The following MGAM2 variants were observed in gnomAD, a reference collection of about 807,000 sequenced individuals.
The protein encoded by MGAM2 is maltase-glucoamylase 2 (putative).
Under a neutral mutation model 96.1 loss-of-function variants are expected in MGAM2, and 98 were observed. The ratio of observed to expected loss-of-function variants is 1.02; its 90% CI spans 0.87 to 1.21. The LOEUF is 1.21. MGAM2 is among the 50% of genes most tolerant of loss of function. MGAM2 has a pLI of 0.00. For missense variants in MGAM2, 2,055 were observed against 1,182.4 expected (o/e 1.74, Z -10.82); for synonymous variants, 749 against 414.8 (o/e 1.81, Z -9.79).
chr7:142,198,966 G>A (rs1368091630), intron 44 of MGAM2, among the ~76,000 whole-genome samples: 1 of 152,168 alleles, frequency 6.6e-6, no homozygotes, highest in Non-Finnish European at 1.5e-5. Context: ...TGTCTGTAGT[G>A]CTGTATCAAA....
At position 142,199,867 on chromosome 7, in the gene MGAM2, T is replaced by TA. The variant is rs1797167707; in HGVS notation, c.5049-13_5049-12insA. 1 of 675,684 alleles carries TA rather than the reference T, an allele frequency of 1.5e-6. No homozygotes were observed. Among genetic ancestry groups the TA allele is most frequent in the East Asian group, 2.7e-5 (1 of 37,100 alleles). The allele number at this position is 675,684 out of a possible 1,614,324, so 41.9% of individuals were successfully genotyped here. A position where few individuals can be genotyped will look rare whatever the true frequency, so the allele number is the denominator to read the frequency against. On this transcript the variant is annotated splice_polypyrimidine_tract_variant and intron_variant, in intron 44 of 47. Coordinates refer to ENST00000477922, the MANE Select transcript of MGAM2 (RefSeq NM_001293626.2). ...ATCTAGAGAAAAATAACTCTTTTTTTTTTTTTTGGTAGTCGACAAAATTTT... is the reference window on the plus strand; with the variant it reads ...ATCTAGAGAAAAATAACTCTTTTTTTATTTTTTTGGTAGTCGACAAAATTTT...
intron 38 of MGAM2, 90 bp downstream of exon 38, chr7:142,196,377 A>G (rs1797036222): frequency 7.7e-6 from 5 of 650,174 alleles, no homozygotes; most frequent in Non-Finnish European, 1.4e-5. Flanking sequence ...CTCTATCATC[A>G]TCTAGGTGGG....
chr7:142,202,012 A>T (rs943089942), intron 45 of MGAM2, among the ~76,000 whole-genome samples: 5 of 152,224 alleles, frequency 3.3e-5, no homozygotes, highest in Non-Finnish European at 7.3e-5. Flanking sequence ...TTTCTTTTAC[A>T]TGCAACAGCA....
intron 14 of MGAM2, among the ~76,000 whole-genome samples, chr7:142,146,594 A>G (rs1039365178): frequency 9.2e-5 from 14 of 152,180 alleles, no homozygotes; most frequent in African/African-American, 3.4e-4. Context: ...AGAGTTCACA[A>G]GGAGAGGAAG....
chr7:142,166,484 T>C (rs190801074), intron 25 of MGAM2, among the ~76,000 whole-genome samples: 4 of 152,182 alleles, frequency 2.6e-5, no homozygotes, highest in African/African-American at 9.7e-5. Context: ...ATTTTAAACA[T>C]AATAATGTAC....
rs1233351588 is a variant in MGAM2, at chr7:142,187,823, C to A, written c.4196C>A (p.Pro1399His). 4.3e-6 allele frequency: 3 copies of A among 702,370 alleles called. No homozygotes were observed. In the East Asian group the frequency reaches 8.0e-5, roughly 19 times the overall value. 43.5% of individuals were successfully genotyped at this position (702,370 alleles called of 1,614,324 possible). A position where few individuals can be genotyped will look rare whatever the true frequency, so the allele number is the denominator to read the frequency against. The change falls in exon 36 of 48, where the codon CCC becomes CAC. Residue 1399 changes from proline (P) to histidine (H), a missense_variant. Pro to His is a moderately conservative substitution (Grantham distance 77). Coordinates refer to ENST00000477922, the MANE Select transcript of MGAM2 (RefSeq NM_001293626.2). The part of the protein sequence containing the change: ...GCSNEMLNNP[P>H]YMPYLESRDK... ...AGCAATGAAATGCTAAATAACCCACCCTATATGCCATGTATGTAAAATAAT... is the reference window on the plus strand; with the variant it reads ...AGCAATGAAATGCTAAATAACCCACACTATATGCCATGTATGTAAAATAAT...
chr7:142,214,035 A>T (rs1017603374), intron 46 of MGAM2, among the ~76,000 whole-genome samples: 2 of 152,238 alleles, frequency 1.3e-5, no homozygotes, highest in South Asian at 4.1e-4. Context: ...TCCATCACAT[A>T]AACAGAACCA....
At chr7:142,119,619 T>C (rs1318236892) in intron 2 of MGAM2, among the ~76,000 whole-genome samples, 1 of 152,180 alleles carries the variant, frequency 6.6e-6, no homozygotes, top group Non-Finnish European at 1.5e-5. Flanking sequence ...AGCAGGATTA[T>C]GTATAATGGT....
intron 37 of MGAM2, among the ~76,000 whole-genome samples, chr7:142,194,031 T>C (rs1796950553): frequency 7.2e-6 from 1 of 137,992 alleles, no homozygotes; most frequent in Admixed American, 7.1e-5. Flanking sequence ...CTTTTCTTTC[T>C]TCTTCTTTTT....
At chr7:142,186,260 A>G in intron 35 of MGAM2, 137 bp downstream of exon 35, 1 of 611,340 alleles carries the variant, frequency 1.6e-6, no homozygotes, top group East Asian at 2.7e-5. Context: ...TACAGAATCT[A>G]GGTGCTAGGA....
intron 23 of MGAM2, among the ~76,000 whole-genome samples, chr7:142,162,752 C>T (rs1795925609): frequency 6.6e-6 from 1 of 151,230 alleles, no homozygotes. Context: ...TTAAAGATCC[C>T]CATGCAATTG....
intron 6 of MGAM2, among the ~76,000 whole-genome samples, chr7:142,132,307 A>G (rs1794912663): frequency 6.8e-6 from 1 of 147,028 alleles, no homozygotes; most frequent in South Asian, 2.1e-4. Context: ...AAGTTATATA[A>G]TTTTATATAA....
At chr7:142,137,237 C>G (rs1795085447) in intron 8 of MGAM2, among the ~76,000 whole-genome samples, 196 bp from the exon 9 acceptor site, 2 of 150,422 alleles carry the variant, frequency 1.3e-5, no homozygotes, top group South Asian at 4.2e-4. Context: ...AAACAAAACT[C>G]AATTCTTCAT....
At chr7:142,216,298 GT>G (rs768752481) in intron 46 of MGAM2, among the ~76,000 whole-genome samples, 4 of 151,974 alleles carry the variant, frequency 2.6e-5, no homozygotes, top group African/African-American at 4.8e-5. Context: ...CTGAATTTTA[GT>G]TCTATTTCTA....
intron 10 of MGAM2, 115 bp downstream of exon 10, chr7:142,138,782 A>C: frequency 3.3e-6 from 2 of 601,036 alleles, no homozygotes; most frequent in South Asian, 1.9e-5. Context: ...ATAGACAGGC[A>C]CACTTGCTGG....
chr7:142,197,333 CT>C (rs1426219229), intron 40 of MGAM2, 66 bp from the exon 41 acceptor site: 1 of 675,808 alleles, frequency 1.5e-6, no homozygotes, highest in Non-Finnish European at 2.7e-6. Flanking sequence ...CCCATTGATT[CT>C]TTTCTGATGC....
At chr7:142,187,534 C>T (rs1003220039) in intron 35 of MGAM2, among the ~76,000 whole-genome samples, 11 of 152,200 alleles carry the variant, frequency 7.2e-5, no homozygotes, top group South Asian at 2.1e-4. Context: ...CCACTTTGGC[C>T]GATATAAATT....
At chr7:142,117,043 A>G (rs1284539829) in intron 2 of MGAM2, 64 bp downstream of exon 2, 9 of 700,228 alleles carry the variant, frequency 1.3e-5, no homozygotes, top group Non-Finnish European at 1.8e-5. Flanking sequence ...CGCCAAAGAG[A>G]TTATTTTATT....
At chr7:142,185,211 A>G (rs577775621) in intron 34 of MGAM2, 72 bp downstream of exon 34, 12 of 684,076 alleles carry the variant, frequency 1.8e-5, no homozygotes, top group Middle Eastern at 2.4e-4. Flanking sequence ...ATCCTGATGA[A>G]TAAGTAGCTA....
Sources: allele counts gnomAD v4.1 joint callset (sites outside exome capture counted in the v4.1 genomes callset), GRCh38; gene constraint gnomAD v4.1.1; transcripts MANE v1.5; gene names NCBI Gene and HGNC (gene_info 2026-07-23, HGNC 2026-07-21).